Variants in ROR2 observed in about 807,000 individuals in gnomAD.
ROR2 encodes tyrosine-protein kinase transmembrane receptor ROR2.
In ROR2, 33 loss-of-function variants were observed where a neutral mutation model predicts 74.9. That is an observed-to-expected ratio of 0.44 (90% CI 0.33 to 0.59). The LOEUF (loss-of-function observed/expected upper bound fraction) is 0.59. Among genes scored for constraint, ROR2 ranks in the 20% least tolerant of loss-of-function variants. The probability of loss-of-function intolerance (pLI) is 0.02; values close to 1 mark genes in which losing one functional copy is unlikely to be tolerated. For synonymous variants in ROR2, 586 were observed against 558.7 expected (o/e 1.05, Z -0.69); for missense variants, 1,216 against 1,313.8 (o/e 0.93, Z 1.15).
intron 1 of ROR2, among the ~76,000 whole-genome samples, chr9:91,845,021 T>C (rs1458747159): frequency 2.0e-5 from 3 of 152,096 alleles, no homozygotes; most frequent in African/African-American, 7.2e-5. Flanking sequence ...AGTTCAAAAT[T>C]ATGAATCCAA....
chr9:91,865,943 A>G, intron 1 of ROR2, among the ~76,000 whole-genome samples: 1 of 152,224 alleles, frequency 6.6e-6, no homozygotes, highest in Non-Finnish European at 1.5e-5. Flanking sequence ...TTAGCTACAC[A>G]TATTGAATAA....
chr9:91,742,868 T>G (rs936402210), intron 4 of ROR2, among the ~76,000 whole-genome samples: 4 of 152,194 alleles, frequency 2.6e-5, no homozygotes, highest in African/African-American at 9.7e-5. Context: ...CCTATGTAAG[T>G]GTACCATTTC....
rs538736361 is a variant in ROR2, at chr9:91,871,157, C to G, written c.97+78710G>C. ...CTGTCCCATCCTGTTCCTCAAAACTCTAACATGCAGCTTCCTCTGCTGTCT... is the reference window on the plus strand; with the variant it reads ...CTGTCCCATCCTGTTCCTCAAAACTGTAACATGCAGCTTCCTCTGCTGTCT... On this transcript the variant is annotated intron_variant, in intron 1 of 8. Transcript: ENST00000375708. Among the ~76,000 whole-genome samples the G allele has an allele frequency of 3.3e-5, 5 of 152,348 alleles. No individual in the cohort carries two copies. The South Asian group carries it at 8.3e-4, about 25-fold the overall frequency.
At chr9:91,929,122 C>A (rs1253532302) in intron 1 of ROR2, among the ~76,000 whole-genome samples, 1 of 152,216 alleles carries the variant, frequency 6.6e-6, no homozygotes, top group Non-Finnish European at 1.5e-5. Context: ...AAACAGTAAA[C>A]CTCCACACCC....
Position 91,852,624 on chromosome 9 carries a change from A to ACACACACAC in ROR2, c.98-76807_98-76806insGTGTGTGTG, listed in dbSNP as rs1829133234. On this transcript the variant is annotated intron_variant, in intron 1 of 8. Coordinates refer to ENST00000375708, the MANE Select transcript of ROR2 (RefSeq NM_004560.4). The stretch of plus-strand genomic sequence containing the variant: ...GTTACAAATAAATGGAAAACACACA[A>ACACACACAC]ACACACACACACACACACACACACA... Among the ~76,000 whole-genome samples, 1,234 of 123,758 alleles carry ACACACACAC rather than the reference A, an allele frequency of 1.0e-2. 11 individuals carry two copies. The highest frequency in any genetic ancestry group is 0.038 in the East Asian group (164 of 4,334). 81.2% of individuals were successfully genotyped at this position (123,758 alleles called of 152,430 possible). A position where few individuals can be genotyped will look rare whatever the true frequency, so the allele number is the denominator to read the frequency against.
intron 1 of ROR2, among the ~76,000 whole-genome samples, chr9:91,818,690 C>T (rs985822051): frequency 3.3e-5 from 5 of 152,190 alleles, no homozygotes; most frequent in African/African-American, 1.2e-4. Context: ...ACACTGTATC[C>T]ATGAGAAAAC....
intron 1 of ROR2, among the ~76,000 whole-genome samples, chr9:91,846,502 C>T (rs1014957914): frequency 6.6e-6 from 1 of 152,120 alleles, no homozygotes; most frequent in Non-Finnish European, 1.5e-5. Context: ...TGTAGGAAAT[C>T]AATGTCTGCT....
intron 4 of ROR2, among the ~76,000 whole-genome samples, chr9:91,753,711 CAG>C (rs1455802712): frequency 6.6e-6 from 1 of 152,128 alleles, no homozygotes; most frequent in Admixed American, 6.5e-5. Flanking sequence ...AGTCCAGAAA[CAG>C]GGAAAGAGAG....
intron 1 of ROR2, among the ~76,000 whole-genome samples, chr9:91,920,717 T>C (rs1157115112): frequency 1.3e-5 from 2 of 152,088 alleles, no homozygotes; most frequent in Non-Finnish European, 2.9e-5. Flanking sequence ...GTGAAGCAGA[T>C]AAAAACAAAT....
Position 91,846,104 on chromosome 9 carries a change from C to A in ROR2, c.98-70286G>T, listed in dbSNP as rs376752701. Among the ~76,000 whole-genome samples the A allele has an allele frequency of 1.4e-4, 21 of 152,192 alleles. 1 individual carries two copies. The highest frequency in any genetic ancestry group is 1.4e-3 in the East Asian group (7 of 5,158). On this transcript the variant is annotated intron_variant, in intron 1 of 8. Coordinates refer to ENST00000375708, the MANE Select transcript of ROR2 (RefSeq NM_004560.4). ...CGGCTGGGCTTCTACAACAATGGGG[C>A]CCAGGCAAGGCCTGCTGTTCTCTCT...
intron 1 of ROR2, among the ~76,000 whole-genome samples, chr9:91,862,046 G>A (rs987876671): frequency 1.6e-4 from 24 of 152,094 alleles, no homozygotes; most frequent in Admixed American, 4.6e-4. Flanking sequence ...GAAGAAGGCC[G>A]GGCATGGTGG....
At chr9:91,856,798 A>T (rs1215921090) in intron 1 of ROR2, among the ~76,000 whole-genome samples, 2 of 152,198 alleles carry the variant, frequency 1.3e-5, no homozygotes, top group Non-Finnish European at 2.9e-5. Context: ...GCCCATAACA[A>T]TGGCAATTCC....
chr9:91,873,875 C>T (rs563677179), intron 1 of ROR2, among the ~76,000 whole-genome samples: 2 of 152,278 alleles, frequency 1.3e-5, no homozygotes, highest in East Asian at 3.9e-4. Context: ...CCTGAATATT[C>T]AGGCTGTAAA....
Position 91,789,379 on chromosome 9 carries a change from A to T in ROR2, c.98-13561T>A, listed in dbSNP as rs558013981. Among the ~76,000 whole-genome samples the T allele has an allele frequency of 4.1e-4, 63 of 152,346 alleles. 1 individual carries two copies. The South Asian group carries it at 0.011, about 28-fold the overall frequency. ...ATTCACATGAAGAGATAAATAAAAG[A>T]GTACTAGTAAAGGTAACTAAGTAGG... On this transcript the variant is annotated intron_variant, in intron 1 of 8. Coordinates refer to ENST00000375708, the MANE Select transcript of ROR2 (RefSeq NM_004560.4).
intron 1 of ROR2, among the ~76,000 whole-genome samples, chr9:91,901,760 G>A (rs998520840): frequency 2.1e-5 from 3 of 144,444 alleles, no homozygotes; most frequent in Non-Finnish European, 4.5e-5. Flanking sequence ...AGGTTGCAGC[G>A]AGCCATGATC....
In ROR2 at chr9:91,826,676, C is replaced by G. The variant is rs1407144718; in HGVS notation, c.98-50858G>C. Among the ~76,000 whole-genome samples, 3 of 151,454 alleles carry G rather than the reference C, an allele frequency of 2.0e-5. No individual in the cohort carries two copies. The East Asian group carries it at 5.8e-4, about 29-fold the overall frequency. On this transcript the variant is annotated intron_variant, in intron 1 of 8. Transcript: ENST00000375708. ...GTGGGAGCCTGTAGTCCCAGCTACT[C>G]GGGAGGCTGAGGCACGAGAATGGCG...
Position 91,723,462 on chromosome 9 carries a change from G to C in ROR2, c.*200C>G, listed in dbSNP as rs1836867107. ...GCCGTGCTGCCAGACCCCCTGCCTG[G>C]CTTGGGTGCTCCTAGGCAGGGCAGC... On this transcript the variant is annotated 3_prime_UTR_variant, in exon 9 of 9. Transcript: ENST00000375708. The C allele has an allele frequency of 1.3e-6, 1 of 764,274 alleles. No individual in the cohort carries two copies. The highest frequency in any genetic ancestry group is 2.1e-6 in the Non-Finnish European group (1 of 484,820). 47.3% of individuals were successfully genotyped at this position (764,274 alleles called of 1,614,324 possible). A position where few individuals can be genotyped will look rare whatever the true frequency, so the allele number is the denominator to read the frequency against.
At position 91,830,852 on chromosome 9, in the gene ROR2, GTGTA is replaced by G. The variant is rs1217389299; in HGVS notation, c.98-55038_98-55035del. On this transcript the variant is annotated intron_variant, in intron 1 of 8. Coordinates refer to ENST00000375708, the MANE Select transcript of ROR2 (RefSeq NM_004560.4). ...TGTGTGTGTGTGTGTGTGTGTGTGT[GTGTA>G]GAGAAACTCAAGTTTGAAAAGGTAG... Among the ~76,000 whole-genome samples, 382 of 145,224 alleles carry G rather than the reference GTGTA, an allele frequency of 2.6e-3. 4 individuals are homozygous for G. The highest frequency in any genetic ancestry group is 8.4e-3 in the African/African-American group (338 of 40,238).
chr9:91,734,608 C>T (rs564790874), intron 5 of ROR2, among the ~76,000 whole-genome samples: 4 of 152,100 alleles, frequency 2.6e-5, no homozygotes, highest in South Asian at 4.1e-4. Context: ...CACCCAGGAA[C>T]GGGATGGGCA....
Sources: gnomAD v4.1 joint callset for allele counts (sites outside exome capture counted in the v4.1 genomes callset) on GRCh38, gnomAD v4.1.1 for gene constraint, MANE v1.5 for transcripts, NCBI Gene and HGNC (gene_info 2026-07-23, HGNC 2026-07-21) for gene names.